DNAH14: variants seen among roughly 807,000 people sequenced by gnomAD.
The protein encoded by DNAH14 is axonemal beta dynein heavy chain 14.
DNAH14 carries 478 observed loss-of-function variants against 520.9 expected under a neutral mutation model. That is an observed-to-expected ratio of 0.92 (90% CI 0.85 to 0.99). The LOEUF is 0.99. DNAH14 is among the 50% of genes least tolerant of loss of function. The pLI, the probability that DNAH14 is intolerant of heterozygous loss-of-function variation, is 0.00. For synonymous variants in DNAH14, 1,581 were observed against 1,757.2 expected (o/e 0.90, Z 2.51); for missense variants, 4,831 against 5,234.5 (o/e 0.92, Z 2.38).
intron 44 of DNAH14, 92 bp downstream of exon 44, chr1:225,252,509 G>A: frequency 2.8e-6 from 2 of 704,434 alleles, no homozygotes; most frequent in Non-Finnish European, 4.5e-6. Context: ...ATTTATAAAA[G>A]TAATTATATC....
chr1:225,306,049 A>G (rs2094234694), intron 58 of DNAH14, among the ~76,000 whole-genome samples: 1 of 152,194 alleles, frequency 6.6e-6, no homozygotes, highest in Non-Finnish European at 1.5e-5. Flanking sequence ...CTCTGTCTCA[A>G]CTGGCCAGCA....
intron 43 of DNAH14, chr1:225,250,549 G>C: frequency 2.3e-6 from 1 of 435,160 alleles, no homozygotes; most frequent in Non-Finnish European, 4.2e-6. Context: ...GGTGAGGTAT[G>C]GTGAGGCCAG....
At chr1:225,011,851 C>T (rs1318814405) in intron 10 of DNAH14, among the ~76,000 whole-genome samples, 3 of 142,894 alleles carry the variant, frequency 2.1e-5, no homozygotes, top group South Asian at 2.2e-4. Context: ...TGTCTTTGCA[C>T]GTGAGATGTG....
At chr1:224,992,071 C>G (rs1572304347) in intron 8 of DNAH14, among the ~76,000 whole-genome samples, 2 of 152,056 alleles carry the variant, frequency 1.3e-5, no homozygotes, top group East Asian at 3.9e-4. Context: ...TTATGGGTTC[C>G]CCTTTCTGTT....
rs2067723317 is a variant in DNAH14, at chr1:225,044,072, G to A, written c.1912+89G>A. The A allele has an allele frequency of 5.7e-6, 4 of 707,950 alleles. No individual in the cohort carries two copies. The Admixed American group carries it at 1.2e-4, about 22-fold the overall frequency. The allele number at this position is 707,950 out of a possible 1,614,324, so 43.9% of individuals were successfully genotyped here. On this transcript the variant is annotated intron_variant, in intron 15 of 85. Coordinates refer to ENST00000682510, the MANE Select transcript of DNAH14 (RefSeq NM_001367479.1). ...GCATCTGATGCCTTTACCCAGGGAT[G>A]TGGCAGATGTTACAGAATATTAGTA...
chr1:225,314,774 T>C (rs1009637075), intron 60 of DNAH14, among the ~76,000 whole-genome samples: 1 of 152,242 alleles, frequency 6.6e-6, no homozygotes, highest in African/African-American at 2.4e-5. Flanking sequence ...CCTTACTCTC[T>C]TCTGGTTTGT....
intron 62 of DNAH14, 104 bp downstream of exon 62, chr1:225,322,927 T>A (rs1180236627): frequency 1.7e-6 from 2 of 1,190,822 alleles, no homozygotes; most frequent in African/African-American, 1.5e-5. Context: ...GAGAGACTAT[T>A]TTCTAGGAAA....
rs2096062048 is a variant in DNAH14 at position 225,398,915 on chromosome 1, A to C, written c.13639-139A>C. 4 of 827,264 alleles carry C rather than the reference A, an allele frequency of 4.8e-6. No homozygotes were observed. In the East Asian group the frequency reaches 1.1e-4, roughly 22 times the overall value. 51.2% of individuals were successfully genotyped at this position (827,264 alleles called of 1,614,324 possible). On this transcript the variant is annotated intron_variant, in intron 85 of 85. Coordinates refer to ENST00000682510, the MANE Select transcript of DNAH14 (RefSeq NM_001367479.1). ...TTTAAATTCTCCAGGTATAATTTCC[A>C]CATGCTGTTACATTAACCATTTAAC...
In DNAH14 at chr1:225,079,498, G is replaced by T; in HGVS notation, c.2716G>T (p.Glu906Ter). 1 of 1,541,158 alleles carries T rather than the reference G, an allele frequency of 6.5e-7. No homozygotes were observed. ...TATAACTAAATTCAGAGATAACTTG[G>T]AAGCATGTATCAGTGGTCTACATGT... ...TAITKFRDNLEACISGLHVDV... is the reference protein window; with the variant it reads ...TAITKFRDNL The change falls in exon 18 of 86, where the codon GAA becomes TAA. Residue 906 changes from glutamate to a stop codon, truncating the protein, a stop_gained. Transcript: ENST00000682510. LOFTEE classifies it high-confidence loss of function.
intron 58 of DNAH14, among the ~76,000 whole-genome samples, chr1:225,306,201 T>G (rs2094238289): frequency 6.6e-6 from 1 of 152,134 alleles, no homozygotes; most frequent in Admixed American, 6.6e-5. Context: ...GGGGTCAGGG[T>G]CTAATTTTAT....
intron 1 of DNAH14, among the ~76,000 whole-genome samples, chr1:224,943,885 T>C (rs898932650): frequency 6.6e-6 from 1 of 152,226 alleles, no homozygotes; most frequent in Non-Finnish European, 1.5e-5. Flanking sequence ...TCTGTTCTTT[T>C]ACATTTGCTG....
intron 10 of DNAH14, among the ~76,000 whole-genome samples, chr1:225,022,155 G>GA (rs1340830809): frequency 6.6e-6 from 1 of 152,066 alleles, no homozygotes; most frequent in African/African-American, 2.4e-5. Flanking sequence ...AACCCTAGAA[G>GA]AAAACCTAGG....
chr1:224,951,255 G>T (rs559856168), intron 1 of DNAH14, among the ~76,000 whole-genome samples: 2 of 152,202 alleles, frequency 1.3e-5, no homozygotes, highest in East Asian at 1.9e-4. Flanking sequence ...CGAACTCCTG[G>T]CATCAAGTGA....
chr1:225,158,300 T>G (rs1239096263), intron 34 of DNAH14, among the ~76,000 whole-genome samples: 1 of 152,142 alleles, frequency 6.6e-6, no homozygotes, highest in Non-Finnish European at 1.5e-5. Context: ...GCTTAAATAG[T>G]AGAGGGAACT....
intron 52 of DNAH14, 92 bp downstream of exon 52, chr1:225,273,217 G>A: frequency 1.5e-6 from 2 of 1,327,296 alleles, no homozygotes; most frequent in Non-Finnish European, 2.0e-6. Context: ...CAGATCACGA[G>A]GTCAGGAGAT....
intron 81 of DNAH14, among the ~76,000 whole-genome samples, chr1:225,382,201 A>G (rs540118024): frequency 2.6e-5 from 4 of 152,300 alleles, no homozygotes; most frequent in Non-Finnish European, 5.9e-5. Flanking sequence ...CAAAACCACA[A>G]TGAGATACAA....
chr1:225,283,999 A>G (rs1170889729), intron 54 of DNAH14, among the ~76,000 whole-genome samples: 1 of 152,146 alleles, frequency 6.6e-6, no homozygotes, highest in African/African-American at 2.4e-5. Context: ...CAAAAACATA[A>G]TATAAAGATG....
intron 3 of DNAH14, among the ~76,000 whole-genome samples, chr1:224,958,323 T>C (rs2060633263): frequency 6.6e-6 from 1 of 152,122 alleles, no homozygotes; most frequent in African/African-American, 2.4e-5. Context: ...TTGTGGTTAA[T>C]TAAAATGAAT....
intron 17 of DNAH14, among the ~76,000 whole-genome samples, chr1:225,076,948 C>T (rs2072358832): frequency 6.6e-6 from 1 of 152,082 alleles, no homozygotes; most frequent in African/African-American, 2.4e-5. Flanking sequence ...TCCCCCAGCC[C>T]CCAACACCCA....
Sources: allele counts gnomAD v4.1 joint callset (sites outside exome capture counted in the v4.1 genomes callset), GRCh38; gene constraint gnomAD v4.1.1; transcripts MANE v1.5; gene names NCBI Gene and HGNC (gene_info 2026-07-23, HGNC 2026-07-21).